MACROD2: variants seen among roughly 807,000 people sequenced by gnomAD.
MACROD2 encodes mono-ADP ribosylhydrolase 2, also known as ADP-ribose glycohydrolase MACROD2.
Under a neutral mutation model 70.4 loss-of-function variants are expected in MACROD2, and 36 were observed. The observed-to-expected ratio is 0.51, with a 90% CI of 0.39 to 0.68. The LOEUF is 0.68. Ranked by LOEUF, MACROD2 falls within the 30% of genes least tolerant of loss-of-function variation. The pLI is 0.00. For missense variants in MACROD2, 496 were observed against 538.4 expected (o/e 0.92, Z 0.78); for synonymous variants, 172 against 178.8 (o/e 0.96, Z 0.30).
intron 5 of MACROD2, among the ~76,000 whole-genome samples, chr20:15,173,529 G>A (rs2076438182): frequency 2.0e-5 from 3 of 152,140 alleles, no homozygotes; most frequent in South Asian, 4.1e-4. Flanking sequence ...AAATGTCAAT[G>A]CAAAAACCTT....
chr20:15,278,444 A>C (rs1397188976), intron 6 of MACROD2, among the ~76,000 whole-genome samples: 1 of 152,188 alleles, frequency 6.6e-6, no homozygotes, highest in Non-Finnish European at 1.5e-5. Flanking sequence ...AGATTTGAGC[A>C]GGACCCCTGA....
chr20:14,007,557 A>G (rs759749417), intron 2 of MACROD2, among the ~76,000 whole-genome samples: 1 of 152,216 alleles, frequency 6.6e-6, no homozygotes, highest in African/African-American at 2.4e-5. Context: ...GGCCCAGGAT[A>G]TGGTAGAAAG....
chr20:15,103,738 A>T (rs1295682191), intron 5 of MACROD2, among the ~76,000 whole-genome samples: 4 of 152,168 alleles, frequency 2.6e-5, no homozygotes, highest in Non-Finnish European at 5.9e-5. Flanking sequence ...ACCAGGATTT[A>T]TGAGACAGCA....
chr20:15,288,343 A>G (rs766571067), intron 6 of MACROD2, among the ~76,000 whole-genome samples: 12 of 152,158 alleles, frequency 7.9e-5, no homozygotes, highest in Non-Finnish European at 1.3e-4. Flanking sequence ...TTCCAGACTC[A>G]TTAATCTTGA....
chr20:15,997,800 C>A lies in MACROD2; in HGVS notation c.1153+10642C>A, dbSNP rs2066652905. On this transcript the variant is annotated intron_variant, in intron 15 of 17. Transcript: ENST00000684519. ...AGAGGAAAAGCCTTCAGCTTTTTAC[C>A]ATTGAGTATGATGACAGCTGTGGGC... 2.6e-5 allele frequency among the ~76,000 whole-genome samples: 4 copies of A among 152,036 alleles called. No individual in the cohort carries two copies. In the South Asian group the frequency reaches 8.3e-4, roughly 32 times the overall value.
At chr20:14,579,334 G>T (rs1386584914) in intron 4 of MACROD2, among the ~76,000 whole-genome samples, 1 of 150,748 alleles carries the variant, frequency 6.6e-6, no homozygotes, top group African/African-American at 2.4e-5. Context: ...GTAGAGACGG[G>T]GTTTCACCTT....
intron 3 of MACROD2, among the ~76,000 whole-genome samples, chr20:14,272,486 T>C (rs957708310): frequency 1.9e-4 from 29 of 151,786 alleles, no homozygotes; most frequent in Non-Finnish European, 3.5e-4. Context: ...AAAGAGCTCC[T>C]GAAGGAAGCA....
At chr20:15,007,766 C>T (rs1029820596) in intron 5 of MACROD2, among the ~76,000 whole-genome samples, 11 of 152,188 alleles carry the variant, frequency 7.2e-5, no homozygotes, top group Admixed American at 2.0e-4. Context: ...AATCAGGGGG[C>T]GTCTACCTCC....
chr20:14,463,730 G>A (rs1600264031), intron 3 of MACROD2, among the ~76,000 whole-genome samples: 2 of 152,142 alleles, frequency 1.3e-5, no homozygotes, highest in African/African-American at 4.8e-5. Context: ...TTTATTGAGA[G>A]CTTTTAGCAT....
intron 5 of MACROD2, among the ~76,000 whole-genome samples, chr20:15,069,081 CTTG>C (rs1177035279): frequency 2.6e-5 from 4 of 152,076 alleles, no homozygotes; most frequent in African/African-American, 7.2e-5. Context: ...GTGCTAGTAC[CTTG>C]TTGTGTACTA....
At chr20:14,969,350 A>G (rs1033130996) in intron 5 of MACROD2, among the ~76,000 whole-genome samples, 1 of 142,138 alleles carries the variant, frequency 7.0e-6, no homozygotes, top group African/African-American at 2.6e-5. Flanking sequence ...TAAAAGCTAT[A>G]TAAATGCTTT....
chr20:14,734,468 T>G (rs1057456102), intron 5 of MACROD2, among the ~76,000 whole-genome samples: 9 of 144,696 alleles, frequency 6.2e-5, no homozygotes, highest in Non-Finnish European at 1.2e-4. Flanking sequence ...ACCACTGCAC[T>G]CCAGCCTGGG....
intron 15 of MACROD2, among the ~76,000 whole-genome samples, chr20:15,995,137 A>G (rs1261228477): frequency 6.6e-6 from 1 of 152,136 alleles, no homozygotes; most frequent in Non-Finnish European, 1.5e-5. Flanking sequence ...CTAGCACATC[A>G]GTGCACCCTA....
At chr20:16,039,475 A>T (rs2067278918) in intron 15 of MACROD2, among the ~76,000 whole-genome samples, 1 of 150,146 alleles carries the variant, frequency 6.7e-6, no homozygotes. Flanking sequence ...GTCTACGATA[A>T]AAGGTGCAAA....
intron 8 of MACROD2, among the ~76,000 whole-genome samples, chr20:15,544,260 T>C (rs1162961303): frequency 6.6e-6 from 1 of 152,196 alleles, no homozygotes; most frequent in Non-Finnish European, 1.5e-5. Flanking sequence ...TTAATAATAA[T>C]AGCACAGCAG....
chr20:15,120,502 C>G (rs2076022583), intron 5 of MACROD2, among the ~76,000 whole-genome samples: 2 of 152,164 alleles, frequency 1.3e-5, no homozygotes, highest in Admixed American at 6.5e-5. Context: ...ATGCAGCCAT[C>G]ATGAATTATC....
At chr20:14,810,644 C>A (rs565253006) in intron 5 of MACROD2, among the ~76,000 whole-genome samples, 26 of 152,144 alleles carry the variant, frequency 1.7e-4, no homozygotes, top group African/African-American at 5.8e-4. Flanking sequence ...GAGAGGAAGT[C>A]AAATTATCTC....
At chr20:15,676,960 C>A (rs2050065972) in intron 8 of MACROD2, among the ~76,000 whole-genome samples, 1 of 152,096 alleles carries the variant, frequency 6.6e-6, no homozygotes, top group Non-Finnish European at 1.5e-5. Context: ...GATGGGGATG[C>A]AATCTAAGTC....
At chr20:15,306,637 ACT>A (rs2077700551) in intron 6 of MACROD2, among the ~76,000 whole-genome samples, 1 of 151,978 alleles carries the variant, frequency 6.6e-6, no homozygotes, top group Non-Finnish European at 1.5e-5. Flanking sequence ...TGTATGTGAA[ACT>A]CTAACAGCAG....
Sources: gnomAD v4.1 joint callset for allele counts (sites outside exome capture counted in the v4.1 genomes callset) on GRCh38, gnomAD v4.1.1 for gene constraint, MANE v1.5 for transcripts, NCBI Gene and HGNC (gene_info 2026-07-23, HGNC 2026-07-21) for gene names.